TTYH2: variants seen among roughly 807,000 people sequenced by gnomAD.
TTYH2 encodes protein tweety homolog 2.
In TTYH2, 49 loss-of-function variants were observed where a neutral mutation model predicts 68.3. The ratio of observed to expected loss-of-function variants is 0.72; its 90% CI spans 0.57 to 0.91. TTYH2 has a LOEUF of 0.91. TTYH2 is among the 40% of genes least tolerant of loss of function. The pLI, the probability that TTYH2 is intolerant of heterozygous loss-of-function variation, is 0.00. For synonymous variants in TTYH2, 272 were observed against 300.8 expected (o/e 0.90, Z 0.99); for missense variants, 631 against 700.4 (o/e 0.90, Z 1.12).
intron 3 of TTYH2, among the ~76,000 whole-genome samples, chr17:74,234,053 G>A (rs1018183209): frequency 2.0e-5 from 3 of 152,182 alleles, no homozygotes; most frequent in Non-Finnish European, 2.9e-5. Context: ...ACTGAGCGCT[G>A]GAGAGTCCTC....
chr17:74,250,944 C>CT (rs1374515132), intron 10 of TTYH2, among the ~76,000 whole-genome samples: 1 of 152,112 alleles, frequency 6.6e-6, no homozygotes, highest in East Asian at 1.9e-4. Context: ...TCATTCAGTT[C>CT]TCACAGTTAT....
In TTYH2 at chr17:74,214,748, A is replaced by G. The variant is rs956345412; in HGVS notation, c.129+1032A>G. On this transcript the variant is annotated intron_variant, in intron 1 of 13. Transcript: ENST00000269346. The surrounding 1 kb of genome is among the most constrained non-coding windows in gnomAD (Gnocchi z 4.6). ...CAGTGGACCAGGATGAGGTCCATTT[A>G]TTCAGAGCCAGGCGCCCATCTCAGG... Among the ~76,000 whole-genome samples, 1 of 152,128 alleles carries G rather than the reference A, an allele frequency of 6.6e-6. No individual in the cohort carries two copies. The highest frequency in any genetic ancestry group is 2.4e-5 in the African/African-American group (1 of 41,434).
chr17:74,222,537 T>C lies in TTYH2; in HGVS notation c.182T>C (p.Ile61Thr). ...VAAVCLGLNL[I>T]FLVAYLVCAC... ...GCCGTCTGCCTGGGCCTGAACCTCA[T>C]CTTCCTTGTGGCTTACCTGGTCTGT... is the stretch of plus-strand genomic sequence containing the variant. Residue 61 changes from isoleucine to threonine, a missense_variant, in exon 2 of 14, where the codon ATC becomes ACC. Physicochemically the swap from Ile to Thr is moderately conservative, Grantham distance 89 (BLOSUM62 -1). Transcript: ENST00000269346. This position sits in a 1 kb window ranked among gnomAD's most constrained non-coding sequence, Gnocchi z 5.2. 1 of 1,612,586 alleles carries C rather than the reference T, an allele frequency of 6.2e-7. No homozygotes were observed.
At position 74,215,073 on chromosome 17, in the gene TTYH2, G is replaced by T. The variant is rs2050208750; in HGVS notation, c.129+1357G>T. ...CCCAGAGCCCAGCCTGTGGGAGTCT[G>T]TGTTCCCTGAGAATGTGGCTGCCTG... On this transcript the variant is annotated intron_variant, in intron 1 of 13. Coordinates refer to ENST00000269346, the MANE Select transcript of TTYH2 (RefSeq NM_032646.6). This position sits in a 1 kb window ranked among gnomAD's most constrained non-coding sequence, Gnocchi z 4.3. Among the ~76,000 whole-genome samples, 1 of 152,048 alleles carries T rather than the reference G, an allele frequency of 6.6e-6. No individual in the cohort carries two copies. The highest frequency in any genetic ancestry group is 1.5e-5 in the Non-Finnish European group (1 of 67,990).
intron 13 of TTYH2, among the ~76,000 whole-genome samples, chr17:74,255,872 T>G (rs1301983421): frequency 3.9e-5 from 6 of 152,140 alleles, no homozygotes; most frequent in African/African-American, 1.4e-4. Context: ...CCGACCCAGA[T>G]AGTTTGGAAG....
At chr17:74,218,064 T>A (rs985792891) in intron 1 of TTYH2, among the ~76,000 whole-genome samples, 61 of 151,738 alleles carry the variant, frequency 4.0e-4, no homozygotes, top group African/African-American at 1.4e-3. Context: ...TCCATTCCCC[T>A]CCACCTCCAT....
At chr17:74,234,167 C>T (rs1221339497) in intron 3 of TTYH2, among the ~76,000 whole-genome samples, 2 of 152,214 alleles carry the variant, frequency 1.3e-5, no homozygotes, top group African/African-American at 4.8e-5. Flanking sequence ...TTCAGCGGTC[C>T]TGGGGCAGGG....
intron 13 of TTYH2, among the ~76,000 whole-genome samples, chr17:74,257,591 G>A (rs1256434106): frequency 6.6e-6 from 1 of 152,202 alleles, no homozygotes; most frequent in Non-Finnish European, 1.5e-5. Context: ...CACTGGGTGG[G>A]TGATGTCACG....
At position 74,215,776 on chromosome 17, in the gene TTYH2, C is replaced by A. The variant is rs780517375; in HGVS notation, c.129+2060C>A. 4.3e-4 allele frequency: 632 copies of A among 1,470,980 alleles called. No individual in the cohort carries two copies. The highest frequency in any genetic ancestry group is 5.6e-4 in the Non-Finnish European group (610 of 1,088,280). The allele number at this position is 1,470,980 out of a possible 1,614,324, so 91.1% of individuals were successfully genotyped here. ...GTCTTCTTTCCTCCTGAGCACCAGTCACTAACAGAGTCAGGTGGACCGTCG... is the reference window on the plus strand; with the variant it reads ...GTCTTCTTTCCTCCTGAGCACCAGTAACTAACAGAGTCAGGTGGACCGTCG... On this transcript the variant is annotated intron_variant, in intron 1 of 13. Coordinates refer to ENST00000269346, the MANE Select transcript of TTYH2 (RefSeq NM_032646.6). This position sits in a 1 kb window ranked among gnomAD's most constrained non-coding sequence, Gnocchi z 4.3.
intron 2 of TTYH2, among the ~76,000 whole-genome samples, chr17:74,230,444 A>T (rs1291240249): frequency 6.6e-6 from 1 of 152,070 alleles, no homozygotes; most frequent in Admixed American, 6.5e-5. Context: ...TGCAACGCTG[A>T]GAATGAACCC....
Position 74,243,984 on chromosome 17 carries a change from T to C in TTYH2, c.739T>C (p.Cys247Arg). 3 of 1,612,068 alleles carry C rather than the reference T, an allele frequency of 1.9e-6. No homozygotes were observed. The highest frequency in any genetic ancestry group is 2.5e-6 in the Non-Finnish European group (3 of 1,179,924). ...RSKCLLASMLCCGALSLLLSW... is the reference protein window; with the variant it reads ...RSKCLLASMLRCGALSLLLSW... ...CGCCTGCCTCTCTCCTAGGATGCTG[T>C]GCTGTGGGGCACTGAGCCTGCTCCT... Residue 247 changes from cysteine (C) to arginine (R), a missense_variant, in exon 6 of 14, where the codon TGC becomes CGC. Cys to Arg is a radical substitution (Grantham distance 180, BLOSUM62 -3). Coordinates refer to ENST00000269346, the MANE Select transcript of TTYH2 (RefSeq NM_032646.6).
chr17:74,241,151 C>T lies in TTYH2; in HGVS notation c.636-2223C>T, dbSNP rs529365153. Among the ~76,000 whole-genome samples the T allele has an allele frequency of 6.6e-6, 1 of 152,098 alleles. No homozygotes were observed. The highest frequency in any genetic ancestry group is 2.1e-4 in the South Asian group (1 of 4,826). On this transcript the variant is annotated intron_variant, in intron 4 of 13. Coordinates refer to ENST00000269346, the MANE Select transcript of TTYH2 (RefSeq NM_032646.6). The surrounding 1 kb of genome is among the most constrained non-coding windows in gnomAD (Gnocchi z 4.1). ...CTGTACTAATCTGTAGAATGGGATC[C>T]AGCTCACACCTATGATCCCAGCACT...
chr17:74,224,176 A>G (rs113868247), intron 2 of TTYH2, among the ~76,000 whole-genome samples: 13,935 of 152,212 alleles, frequency 0.092, 1,943 homozygotes, highest in African/African-American at 0.3. Flanking sequence ...TTGGGAGGCC[A>G]AGGCGGGTGG....
chr17:74,224,590 G>A (rs79897528), intron 2 of TTYH2, among the ~76,000 whole-genome samples: 11,053 of 152,286 alleles, frequency 0.073, 509 homozygotes, highest in Non-Finnish European at 0.1. Context: ...CATTCTGGGC[G>A]TGACTTGTAC....
chr17:74,213,804 C>A lies in TTYH2; in HGVS notation c.129+88C>A, dbSNP rs566497985. On this transcript the variant is annotated intron_variant, in intron 1 of 13. Transcript: ENST00000269346. The surrounding 1 kb of genome is among the most constrained non-coding windows in gnomAD (Gnocchi z 6.1). ...CCCCTCGAGAGCCTGCACTTTCCCA[C>A]GTGCCTCTCAGACCCCTTCTCTCCC... 14 of 1,497,638 alleles carry A rather than the reference C, an allele frequency of 9.3e-6. No homozygotes were observed. In the East Asian group the frequency reaches 3.0e-4, roughly 32 times the overall value. The allele number at this position is 1,497,638 out of a possible 1,614,324, so 92.8% of individuals were successfully genotyped here. A position where few individuals can be genotyped will look rare whatever the true frequency, so the allele number is the denominator to read the frequency against.
intron 3 of TTYH2, among the ~76,000 whole-genome samples, chr17:74,233,693 C>T (rs952908169): frequency 7.2e-5 from 11 of 152,140 alleles, no homozygotes; most frequent in African/African-American, 2.2e-4. Context: ...TACCTATGCA[C>T]GTCCAACTAG....
At chr17:74,243,281 T>C in intron 4 of TTYH2, 93 bp from the exon 5 acceptor site, 1 of 1,042,384 alleles carries the variant, frequency 9.6e-7, no homozygotes, top group Non-Finnish European at 1.5e-6. Context: ...GAGGGTCCAG[T>C]GTGTCCCAGG....
chr17:74,247,028 C>T (rs1013165536), intron 6 of TTYH2, among the ~76,000 whole-genome samples: 2 of 151,802 alleles, frequency 1.3e-5, no homozygotes, highest in African/African-American at 4.8e-5. Context: ...AGTAAAAATA[C>T]AAAATTAGCC....
At chr17:74,220,024 A>T (rs1295377489) in intron 1 of TTYH2, among the ~76,000 whole-genome samples, 1 of 150,012 alleles carries the variant, frequency 6.7e-6, no homozygotes, top group East Asian at 1.9e-4. Context: ...TTTTTTTTTA[A>T]GAAATGGGAT....
Sources: gnomAD v4.1 joint callset for allele counts (sites outside exome capture counted in the v4.1 genomes callset) on GRCh38, gnomAD v4.1.1 for gene constraint, Gnocchi (gnomAD v3.1) non-coding constraint, MANE v1.5 for transcripts, NCBI Gene and HGNC (gene_info 2026-07-23, HGNC 2026-07-21) for gene names.